Variants in PLCG2 observed in about 807,000 individuals in gnomAD.
PLCG2 encodes the protein phospholipase C gamma 2, also known as 1-phosphatidylinositol 4,5-bisphosphate phosphodiesterase gamma-2.
In PLCG2, 69 loss-of-function variants were observed where a neutral mutation model predicts 175.6. The ratio of observed to expected loss-of-function variants is 0.39; its 90% CI spans 0.32 to 0.48. The LOEUF (loss-of-function observed/expected upper bound fraction) is 0.48. PLCG2 is among the 20% of genes least tolerant of loss of function. The pLI is 0.91. For missense variants in PLCG2, 1,798 were observed against 1,650.9 expected (o/e 1.09, Z -1.54); for synonymous variants, 827 against 624.0 (o/e 1.33, Z -4.85).
chr16:81,801,561 A>G (rs796715436), intron 2 of PLCG2, among the ~76,000 whole-genome samples: 8 of 152,336 alleles, frequency 5.3e-5, no homozygotes, highest in African/African-American at 1.9e-4. Context: ...TCCAATCATG[A>G]TACTCCCGAT....
chr16:81,910,720 C>T lies in PLCG2; in HGVS notation c.1934C>T (p.Pro645Leu), dbSNP rs781621510. The stretch of plus-strand genomic sequence containing the variant: ...AACCCCAACCCCCACGAGTCCAAGC[C>T]GTACGTGTCTGAGGGTGGAGCAGGA... ...VPNPNPHESK[P>L]WYYDSLSRGE... Residue 645 changes from proline (P) to leucine (L), a missense_variant and splice_region_variant, in exon 18 of 33, where the codon CCG becomes CTG. Physicochemically the swap from Pro to Leu is moderately conservative, Grantham distance 98 (BLOSUM62 -3). Coordinates refer to ENST00000564138, the MANE Select transcript of PLCG2 (RefSeq NM_002661.5). 1.1e-5 allele frequency: 18 copies of T among 1,606,982 alleles called. No homozygotes were observed. The highest frequency in any genetic ancestry group is 4.0e-5 in the African/African-American group (3 of 74,946).
chr16:81,890,876 T>C (rs1262940955), intron 10 of PLCG2, among the ~76,000 whole-genome samples: 2 of 152,116 alleles, frequency 1.3e-5, no homozygotes, highest in Non-Finnish European at 2.9e-5. Context: ...AAATTGTATA[T>C]ATGAGGCCGG....
chr16:81,907,844 C>T (rs1461753253), intron 16 of PLCG2, 70 bp downstream of exon 16: 33 of 1,092,060 alleles, frequency 3.0e-5, no homozygotes, highest in South Asian at 5.1e-5. Context: ...GTCCCCGGGA[C>T]CTCCTTCCCA....
At chr16:81,786,360 TGGA>T (rs1232994761) in intron 2 of PLCG2, among the ~76,000 whole-genome samples, 178 bp downstream of exon 2, 2 of 134,076 alleles carry the variant, frequency 1.5e-5, no homozygotes, top group Non-Finnish European at 3.3e-5. Flanking sequence ...TTACACCAGG[TGGA>T]GGAAGTTCAG....
chr16:81,867,702 C>CT (rs1196471227), intron 5 of PLCG2, among the ~76,000 whole-genome samples: 106 of 150,516 alleles, frequency 7.0e-4, no homozygotes, highest in Non-Finnish European at 1.2e-3. Flanking sequence ...CCTCCCTTTT[C>CT]TTTTTTATTT....
chr16:81,824,614 T>G (rs754271257), intron 2 of PLCG2, among the ~76,000 whole-genome samples: 1 of 151,998 alleles, frequency 6.6e-6, no homozygotes, highest in East Asian at 1.9e-4. Context: ...GATAACGGGG[T>G]GTGGGAGAGA....
chr16:81,858,993 A>G (rs1315570037), intron 4 of PLCG2, 123 bp from the exon 5 acceptor site: 3 of 592,036 alleles, frequency 5.1e-6, no homozygotes, highest in African/African-American at 1.9e-5. Flanking sequence ...CTTGTTAGAA[A>G]GTTGGAAGAC....
intron 30 of PLCG2, among the ~76,000 whole-genome samples, chr16:81,941,470 A>G (rs906447146): frequency 2.6e-5 from 4 of 152,082 alleles, no homozygotes; most frequent in African/African-American, 7.2e-5. Context: ...GAACCAAACT[A>G]TGTCAAGGCT....
At chr16:81,913,605 A>G (rs868235840) in intron 19 of PLCG2, among the ~76,000 whole-genome samples, 10 of 152,148 alleles carry the variant, frequency 6.6e-5, no homozygotes, top group African/African-American at 2.4e-4. Flanking sequence ...TCTTTTGTAC[A>G]CTGATGTGAA....
In PLCG2 at chr16:81,958,080, G is replaced by T; in HGVS notation, c.*82G>T. ...GGAGAACGTGCCCTATTCACACTCT[G>T]GGAAGACGCTAATCTGTGACATCTT... On this transcript the variant is annotated 3_prime_UTR_variant, in exon 33 of 33. Transcript: ENST00000564138. 1 of 953,272 alleles carries T rather than the reference G, an allele frequency of 1.0e-6. No individual in the cohort carries two copies. Among genetic ancestry groups the T allele is most frequent in the Non-Finnish European group, 1.7e-6 (1 of 583,804 alleles). 59.1% of individuals were successfully genotyped at this position (953,272 alleles called of 1,614,324 possible). A position where few individuals can be genotyped will look rare whatever the true frequency, so the allele number is the denominator to read the frequency against.
intron 16 of PLCG2, 28 bp from the exon 17 acceptor site, chr16:81,908,388 A>G (rs745695327): frequency 6.2e-7 from 1 of 1,604,026 alleles, no homozygotes; most frequent in Non-Finnish European, 8.5e-7. Context: ...CAAGGCTTTC[A>G]GAAACCCCTC....
At chr16:81,812,769 A>G (rs1904372969) in intron 2 of PLCG2, among the ~76,000 whole-genome samples, 1 of 152,038 alleles carries the variant, frequency 6.6e-6, no homozygotes, top group African/African-American at 2.4e-5. Flanking sequence ...CCTGAATGGT[A>G]TTGCCTAGGT....
At chr16:81,751,531 GT>G (rs1378904337) in intron 1 of PLCG2, among the ~76,000 whole-genome samples, 2 of 151,936 alleles carry the variant, frequency 1.3e-5, no homozygotes, top group Admixed American at 6.6e-5. Context: ...AGGAATATGG[GT>G]TTTTTTTGAG....
rs1227828742 is a variant in PLCG2 at position 81,958,087 on chromosome 16, C to T, written c.*89C>T. 17 of 908,828 alleles carry T rather than the reference C, an allele frequency of 1.9e-5. No individual in the cohort carries two copies. The highest frequency in any genetic ancestry group is 3.7e-5 in the Admixed American group (2 of 54,250). The allele number at this position is 908,828 out of a possible 1,614,324, so 56.3% of individuals were successfully genotyped here. On this transcript the variant is annotated 3_prime_UTR_variant, in exon 33 of 33. Transcript: ENST00000564138. ...GTGCCCTATTCACACTCTGGGAAGA[C>T]GCTAATCTGTGACATCTTTTCTTCA...
rs1465555119 is a variant in PLCG2 at position 81,911,866 on chromosome 16, C to T, written c.1935-731C>T. Among the ~76,000 whole-genome samples, 3 of 132,258 alleles carry T rather than the reference C, an allele frequency of 2.3e-5. No individual in the cohort carries two copies. In the East Asian group the frequency reaches 6.6e-4, roughly 29 times the overall value. 86.8% of individuals were successfully genotyped at this position (132,258 alleles called of 152,430 possible). On this transcript the variant is annotated intron_variant, in intron 18 of 32. Coordinates refer to ENST00000564138, the MANE Select transcript of PLCG2 (RefSeq NM_002661.5). ...AGGCTAGAGTGCAGTGGCATGATCT[C>T]GGCTCACTGCAACCTTTGCCTCCTG...
chr16:81,806,892 G>A (rs1301270363), intron 2 of PLCG2, among the ~76,000 whole-genome samples: 2 of 151,954 alleles, frequency 1.3e-5, no homozygotes, highest in Non-Finnish European at 2.9e-5. Flanking sequence ...GCAGAGTTAT[G>A]GGGAGGAAGC....
intron 2 of PLCG2, among the ~76,000 whole-genome samples, chr16:81,824,978 G>A (rs1431849002): frequency 6.6e-6 from 1 of 152,196 alleles, no homozygotes; most frequent in Non-Finnish European, 1.5e-5. Flanking sequence ...CAGGATTCTG[G>A]CTTTGAAGGT....
chr16:81,899,196 A>C (rs1238277408), intron 13 of PLCG2, among the ~76,000 whole-genome samples: 1 of 151,934 alleles, frequency 6.6e-6, no homozygotes, highest in Non-Finnish European at 1.5e-5. Flanking sequence ...TCCAAAAGAA[A>C]AATAAATAAA....
chr16:81,905,349 A>C, intron 14 of PLCG2, 54 bp from the exon 15 acceptor site: 1 of 1,248,834 alleles, frequency 8.0e-7, no homozygotes, highest in East Asian at 2.4e-5. Flanking sequence ...GCTGGCTCAA[A>C]GGCCTAAACT....
Sources: gnomAD v4.1 joint callset for allele counts (sites outside exome capture counted in the v4.1 genomes callset) on GRCh38, gnomAD v4.1.1 for gene constraint, MANE v1.5 for transcripts, NCBI Gene and HGNC (gene_info 2026-07-23, HGNC 2026-07-21) for gene names.